The following SIL1 variants were observed in gnomAD, a reference collection of about 807,000 sequenced individuals.
The protein encoded by SIL1 is nucleotide exchange factor SIL1.
Under a neutral mutation model 49.1 loss-of-function variants are expected in SIL1, and 40 were observed. The ratio of observed to expected loss-of-function variants is 0.81; its 90% confidence interval spans 0.63 to 1.06. SIL1 has a LOEUF of 1.06. Ranked by LOEUF, SIL1 falls within the 50% of genes least tolerant of loss-of-function variation. SIL1 has a pLI of 0.00. For synonymous variants in SIL1, 253 were observed against 250.8 expected (o/e 1.01, Z -0.08); for missense variants, 500 against 572.6 (o/e 0.87, Z 1.29).
chr5:139,170,840 G>A (rs1378800862), intron 1 of SIL1, among the ~76,000 whole-genome samples: 22 of 147,486 alleles, frequency 1.5e-4, no homozygotes, highest in East Asian at 4.1e-4. Context: ...TCAGCCCCCC[G>A]CCCGGCCAGC....
chr5:139,180,390 A>G lies in SIL1; in HGVS notation c.-11+17879T>C, dbSNP rs537760366. Among the ~76,000 whole-genome samples the G allele has an allele frequency of 5.0e-4, 75 of 150,826 alleles. 1 individual carries two copies. Among genetic ancestry groups the G allele is most frequent in the Non-Finnish European group, 9.9e-4 (67 of 67,604 alleles). ...GAGCAAAACTCCATCTCAAAAAAAA[A>G]AAAAAAAAAAAAAAAATCATACCCA... On this transcript the variant is annotated intron_variant, in intron 1 of 9. Coordinates refer to ENST00000394817, the MANE Select transcript of SIL1 (RefSeq NM_022464.5).
At chr5:139,099,314 T>G (rs1239658648) in intron 3 of SIL1, among the ~76,000 whole-genome samples, 1 of 152,138 alleles carries the variant, frequency 6.6e-6, no homozygotes, top group Non-Finnish European at 1.5e-5. Flanking sequence ...AAGGGAACCC[T>G]CATACACTGT....
At chr5:138,984,876 A>G (rs943861194) in intron 7 of SIL1, among the ~76,000 whole-genome samples, 2 of 152,250 alleles carry the variant, frequency 1.3e-5, no homozygotes, top group Non-Finnish European at 2.9e-5. Context: ...CAAAGGCTGT[A>G]TCAGACACAG....
intron 1 of SIL1, among the ~76,000 whole-genome samples, chr5:139,182,344 AAG>A (rs989735190): frequency 1.2e-4 from 19 of 152,340 alleles, no homozygotes; most frequent in Admixed American, 4.6e-4. Flanking sequence ...AGGGGGTTTG[AAG>A]AGGTGTTACT....
chr5:139,057,885 T>C (rs1409324375), intron 3 of SIL1, among the ~76,000 whole-genome samples: 1 of 152,198 alleles, frequency 6.6e-6, no homozygotes, highest in East Asian at 1.9e-4. Context: ...TGTTTTCACA[T>C]GGTGGAAGGG....
intron 7 of SIL1, among the ~76,000 whole-genome samples, chr5:138,977,265 G>A (rs938857710): frequency 2.6e-5 from 4 of 152,048 alleles, no homozygotes; most frequent in African/African-American, 9.7e-5. Flanking sequence ...ATCCTAATCT[G>A]GGGAACAATA....
At chr5:139,014,974 T>TGGGGAA (rs1330599659) in intron 7 of SIL1, among the ~76,000 whole-genome samples, 9 of 152,320 alleles carry the variant, frequency 5.9e-5, no homozygotes, top group Non-Finnish European at 1.2e-4. Flanking sequence ...CCAGTGGGGC[T>TGGGGAA]ATACACTCAT....
intron 1 of SIL1, chr5:139,133,606 T>TG (rs1339290318): frequency 6.6e-6 from 1 of 152,242 alleles, no homozygotes; most frequent in Admixed American, 6.5e-5. Flanking sequence ...CTGACACACC[T>TG]GGCAGGACCC....
intron 1 of SIL1, among the ~76,000 whole-genome samples, chr5:139,143,180 A>G (rs1751114130): frequency 6.6e-6 from 1 of 151,518 alleles, no homozygotes; most frequent in African/African-American, 2.4e-5. Context: ...AAACTATTCT[A>G]TGTGCAGATG....
At chr5:139,172,034 A>T (rs1393621644) in intron 1 of SIL1, among the ~76,000 whole-genome samples, 2 of 152,222 alleles carry the variant, frequency 1.3e-5, no homozygotes, top group Admixed American at 1.3e-4. Flanking sequence ...ACACTTGGAG[A>T]CTGGACAATG....
chr5:139,012,005 A>G (rs1768286286), intron 7 of SIL1, among the ~76,000 whole-genome samples: 3 of 151,720 alleles, frequency 2.0e-5, no homozygotes. Context: ...CCACCTACCC[A>G]CCTCCTCAGA....
chr5:138,997,068 G>T (rs1767886043), intron 7 of SIL1, among the ~76,000 whole-genome samples: 1 of 152,090 alleles, frequency 6.6e-6, no homozygotes, highest in Non-Finnish European at 1.5e-5. Context: ...GAGTGGCTGA[G>T]ACTACAGGAA....
intron 7 of SIL1, among the ~76,000 whole-genome samples, chr5:138,960,607 T>C (rs1766999167): frequency 6.6e-6 from 1 of 151,154 alleles, no homozygotes; most frequent in South Asian, 2.1e-4. Flanking sequence ...CCAGTTTTGT[T>C]TTGTTTTTGT....
intron 1 of SIL1, among the ~76,000 whole-genome samples, chr5:139,145,848 CA>C (rs1751185358): frequency 6.6e-6 from 1 of 151,620 alleles, no homozygotes; most frequent in Non-Finnish European, 1.5e-5. Context: ...AGCTTGAGCC[CA>C]GGGGTTTGAG....
intron 5 of SIL1, among the ~76,000 whole-genome samples, chr5:139,039,786 T>G (rs1768998053): frequency 6.6e-6 from 1 of 152,172 alleles, no homozygotes; most frequent in African/African-American, 2.4e-5. Context: ...AAACAATAAT[T>G]TGTAGAATAC....
At chr5:138,952,013 T>G in intron 7 of SIL1, 129 bp from the exon 8 acceptor site, 1 of 830,498 alleles carries the variant, frequency 1.2e-6, no homozygotes, top group Non-Finnish European at 2.0e-6. Flanking sequence ...ACGGGGCAAG[T>G]CAAACTCAGC....
At chr5:139,116,679 C>T (rs1001870781) in intron 3 of SIL1, among the ~76,000 whole-genome samples, 1 of 152,212 alleles carries the variant, frequency 6.6e-6, no homozygotes, top group Non-Finnish European at 1.5e-5. Context: ...TTCACAGACA[C>T]CAAGTTACCA....
chr5:139,085,510 T>G (rs1770198713), intron 3 of SIL1, among the ~76,000 whole-genome samples: 3 of 152,048 alleles, frequency 2.0e-5, no homozygotes, highest in South Asian at 2.1e-4. Context: ...AAAGAAGTCA[T>G]GGAGTGGAAA....
intron 4 of SIL1, among the ~76,000 whole-genome samples, chr5:139,050,572 T>C (rs960914341): frequency 6.6e-6 from 1 of 152,226 alleles, no homozygotes; most frequent in African/African-American, 2.4e-5. Flanking sequence ...CAAGGAAGTA[T>C]TACTGCAAAG....
Sources: allele counts gnomAD v4.1 joint callset (sites outside exome capture counted in the v4.1 genomes callset), GRCh38; gene constraint gnomAD v4.1.1; transcripts MANE v1.5; gene names NCBI Gene and HGNC (gene_info 2026-07-23, HGNC 2026-07-21).